Variants in ESPNL observed in about 807,000 individuals in gnomAD.
ESPNL encodes espin-like protein.
In ESPNL, 49 loss-of-function variants were observed where a neutral mutation model predicts 46.8. The observed-to-expected ratio is 1.05, with a 90% confidence interval of 0.83 to 1.33. ESPNL has a LOEUF of 1.33. Among genes scored for constraint, ESPNL ranks in the 40% most tolerant of loss-of-function variants. The probability of loss-of-function intolerance (pLI) is 0.00; values close to 1 mark genes in which losing one functional copy is unlikely to be tolerated. For synonymous variants in ESPNL, 664 were observed against 662.1 expected (o/e 1.00, Z -0.04); for missense variants, 1,540 against 1,436.6 (o/e 1.07, Z -1.16).
chr2:238,117,640 T>C (rs1228592666), intron 5 of ESPNL, among the ~76,000 whole-genome samples: 1 of 152,230 alleles, frequency 6.6e-6, no homozygotes, highest in Non-Finnish European at 1.5e-5. Context: ...CAGCCTCTCA[T>C]TTCCCCATTT....
Position 238,100,417 on chromosome 2 carries a change from A to G in ESPNL, c.-3A>G, listed in dbSNP as rs1055290733. On this transcript the variant is annotated 5_prime_UTR_variant, in exon 1 of 9. Transcript: ENST00000343063. Reference sequence around the variant, plus strand: ...AGTCGCCACTGAGAGCCCGGGCCAGAGGATGGAGAAGCAGCGGGCACTCGT... The same window carrying G: ...AGTCGCCACTGAGAGCCCGGGCCAGGGGATGGAGAAGCAGCGGGCACTCGT... 1.0e-5 allele frequency: 16 copies of G among 1,595,650 alleles called. No individual in the cohort carries two copies. Among genetic ancestry groups the G allele is most frequent in the Non-Finnish European group, 1.4e-5 (16 of 1,174,368 alleles).
intron 6 of ESPNL, among the ~76,000 whole-genome samples, chr2:238,126,070 TC>T (rs1347840043): frequency 6.7e-6 from 1 of 148,448 alleles, no homozygotes; most frequent in African/African-American, 2.6e-5. Context: ...GTGTGATTGT[TC>T]ATGTGTGTCT....
chr2:238,121,428 GTC>G (rs1223956830), intron 5 of ESPNL, among the ~76,000 whole-genome samples: 1 of 152,176 alleles, frequency 6.6e-6, no homozygotes, highest in Non-Finnish European at 1.5e-5. Context: ...TCACCACAGG[GTC>G]TCTGTCACCC....
At position 238,125,407 on chromosome 2, in the gene ESPNL, G is replaced by C. The variant is rs888516083; in HGVS notation, c.1102+23G>C. The C allele has an allele frequency of 2.9e-6, 4 of 1,382,418 alleles. No individual in the cohort carries two copies. The Admixed American group carries it at 8.2e-5, about 28-fold the overall frequency. The allele number at this position is 1,382,418 out of a possible 1,614,324, so 85.6% of individuals were successfully genotyped here. On this transcript the variant is annotated intron_variant, in intron 6 of 8. Transcript: ENST00000343063. ...GCCGTGAGTGCACAGCCCCAAGTGG[G>C]CCACCCAGGGCATGGGCCTGGGAGA...
At chr2:238,106,675 G>A (rs1205013994) in intron 3 of ESPNL, among the ~76,000 whole-genome samples, 6 of 152,198 alleles carry the variant, frequency 3.9e-5, no homozygotes, top group African/African-American at 7.2e-5. Flanking sequence ...TGGGATGAGC[G>A]GCGGCTGCAC....
At chr2:238,109,828 G>A (rs1296919842) in intron 4 of ESPNL, among the ~76,000 whole-genome samples, 2 of 152,158 alleles carry the variant, frequency 1.3e-5, no homozygotes, top group South Asian at 2.1e-4. Flanking sequence ...ATACGTTACC[G>A]AGTGTCCCTT....
In ESPNL at chr2:238,128,707, G is replaced by T; in HGVS notation, c.1216G>T (p.Gly406Trp). The change falls in exon 8 of 9, where the codon GGG (glycine) becomes TGG (tryptophan). Residue 406 changes from glycine to tryptophan, a missense_variant and splice_region_variant. By Grantham distance (184) the Gly-to-Trp change is radical. Coordinates refer to ENST00000343063, the MANE Select transcript of ESPNL (RefSeq NM_194312.4). ...GTGTGACCCACCCCCTTCTGCACAG[G>T]GGACAGAGACGGCGCTGGCGGGGGA... Reference protein sequence around the residue: ...IITSATADPEGTETALAGDTS... With the variant: ...IITSATADPEWTETALAGDTS... 6.3e-7 allele frequency: 1 copy of T among 1,598,240 alleles called. No individual in the cohort carries two copies. The highest frequency in any genetic ancestry group is 2.3e-5 in the East Asian group (1 of 44,008).
intron 3 of ESPNL, among the ~76,000 whole-genome samples, chr2:238,105,631 A>AG (rs959432860): frequency 1.3e-5 from 2 of 151,114 alleles, no homozygotes; most frequent in Non-Finnish European, 2.9e-5. Flanking sequence ...CAACTTCCTG[A>AG]GGGGGGCACA....
chr2:238,121,694 G>T (rs1276899820), intron 5 of ESPNL, among the ~76,000 whole-genome samples: 2 of 152,234 alleles, frequency 1.3e-5, no homozygotes, highest in Non-Finnish European at 2.9e-5. Flanking sequence ...CACCGTACCC[G>T]GCCCAGAGCC....
intron 6 of ESPNL, chr2:238,127,287 G>T (rs536041011): frequency 1.9e-6 from 2 of 1,030,796 alleles, no homozygotes; most frequent in South Asian, 7.3e-5. Flanking sequence ...AGCATTGCAG[G>T]CAGCAAGGGA....
At chr2:238,115,189 C>CT (rs1691790316) in intron 4 of ESPNL, among the ~76,000 whole-genome samples, 1 of 152,218 alleles carries the variant, frequency 6.6e-6, no homozygotes, top group South Asian at 2.1e-4. Context: ...TTTTTGTCCA[C>CT]CTTCCCCTGG....
In ESPNL at chr2:238,128,799, G is replaced by T. The variant is rs1266098358; in HGVS notation, c.1308G>T (p.Val436=). The T allele has an allele frequency of 1.5e-5, 24 of 1,564,610 alleles. No individual in the cohort carries two copies. Among genetic ancestry groups the T allele is most frequent in the Non-Finnish European group, 2.0e-5 (23 of 1,155,706 alleles). ...GLPSGDIDGL[V]PTRDERGQPI... is the part of the protein sequence containing the mutation. Reference sequence around the variant, plus strand: ...CCTCAGGCGACATCGACGGGCTGGTGCCCACGCGGGATGAGCGCGGCCAGC... The same window carrying T: ...CCTCAGGCGACATCGACGGGCTGGTTCCCACGCGGGATGAGCGCGGCCAGC... Residue 436 remains valine (V), a synonymous_variant, in exon 8 of 9, where the codon GTG becomes GTT. Transcript: ENST00000343063.
At chr2:238,102,945 C>T (rs1691517301) in intron 2 of ESPNL, among the ~76,000 whole-genome samples, 3 of 152,234 alleles carry the variant, frequency 2.0e-5, no homozygotes, top group African/African-American at 7.2e-5. Context: ...GGACAAGCCC[C>T]GACAGCTTGC....
chr2:238,131,017 C>T lies in ESPNL; in HGVS notation c.2303C>T (p.Ala768Val). Reference protein sequence around the residue: ...LKTVACRTLGARHAGLRGQEA... With the variant: ...LKTVACRTLGVRHAGLRGQEA... ...ACAGTGGCCTGCAGGACCCTAGGAG[C>T]CCGCCACGCGGGGTTGCGGGGCCAG... The change falls in exon 9 of 9, where the codon GCC (alanine) becomes GTC (valine). Residue 768 changes from alanine (A) to valine (V), a missense_variant. Coordinates refer to ENST00000343063, the MANE Select transcript of ESPNL (RefSeq NM_194312.4). The T allele has an allele frequency of 6.5e-7, 1 of 1,541,594 alleles. No homozygotes were observed. Among genetic ancestry groups the T allele is most frequent in the South Asian group, 1.2e-5 (1 of 83,932 alleles).
rs573941455 is a variant in ESPNL at position 238,131,433 on chromosome 2, G to A, written c.2719G>A (p.Glu907Lys). Residue 907 changes from glutamate to lysine, a missense_variant, in exon 9 of 9, where the codon GAG becomes AAG. Transcript: ENST00000343063. ...VRAFHKAVTD[E>K]VAAGRRAWTD... ...CGCCTTCCACAAGGCCGTGACCGAC[G>A]AGGTGGCCGCCGGCCGCCGGGCCTG... The A allele has an allele frequency of 4.4e-6, 7 of 1,609,124 alleles. No individual in the cohort carries two copies. Among genetic ancestry groups the A allele is most frequent in the East Asian group, 4.5e-5 (2 of 44,748 alleles).
At position 238,116,853 on chromosome 2, in the gene ESPNL, G is replaced by A. The variant is rs775397000; in HGVS notation, c.856-50G>A. Reference sequence around the variant, plus strand: ...GGCCCGCACAGGGCCAGTCCCATGGGCACCTGGTTTGTGTCGTGGTGGGTC... The same window carrying A: ...GGCCCGCACAGGGCCAGTCCCATGGACACCTGGTTTGTGTCGTGGTGGGTC... On this transcript the variant is annotated intron_variant, in intron 4 of 8. Transcript: ENST00000343063. 8.1e-6 allele frequency: 13 copies of A among 1,598,800 alleles called. No homozygotes were observed. In the African/African-American group the frequency reaches 1.2e-4, roughly 15 times the overall value.
intron 1 of ESPNL, among the ~76,000 whole-genome samples, chr2:238,101,159 C>T (rs1480007400): frequency 6.6e-6 from 1 of 152,176 alleles, no homozygotes; most frequent in African/African-American, 2.4e-5. Flanking sequence ...TCTACTGGGC[C>T]CCCCTCCCCT....
At chr2:238,117,058 C>A (rs374556797) in intron 5 of ESPNL, 24 bp downstream of exon 5, 1 of 1,594,434 alleles carries the variant, frequency 6.3e-7, no homozygotes, top group Admixed American at 1.7e-5. Flanking sequence ...TCCCCAGCTG[C>A]CCTGGAGGCA....
intron 8 of ESPNL, 31 bp downstream of exon 8, chr2:238,128,935 G>A (rs766704104): frequency 2.0e-4 from 299 of 1,517,590 alleles, no homozygotes; most frequent in Non-Finnish European, 2.3e-4. Flanking sequence ...GGACCAGTGG[G>A]CGGGGCGGGG....
Sources: allele counts gnomAD v4.1 joint callset (sites outside exome capture counted in the v4.1 genomes callset), GRCh38; gene constraint gnomAD v4.1.1; transcripts MANE v1.5; gene names NCBI Gene and HGNC (gene_info 2026-07-23, HGNC 2026-07-21).